Variants in PCDHGA3 observed in about 807,000 individuals in gnomAD.
PCDHGA3 encodes the protein protocadherin gamma-A3.
A neutral mutation model predicts 58.5 loss-of-function variants in PCDHGA3; 40 were observed. The ratio of observed to expected loss-of-function variants is 0.68; its 90% confidence interval spans 0.53 to 0.89. The LOEUF (loss-of-function observed/expected upper bound fraction) is 0.89. Among genes scored for constraint, PCDHGA3 ranks in the 40% least tolerant of loss-of-function variants. PCDHGA3 has a pLI of 0.00. For missense variants in PCDHGA3, 1,223 were observed against 1,195.9 expected, an observed-to-expected ratio of 1.02 and a Z score of -0.33; for synonymous variants, 530 against 525.7, an observed-to-expected ratio of 1.01 and a Z score of -0.11.
intron 1 of PCDHGA3, chr5:141,371,361 GAT>G: frequency 3.1e-6 from 5 of 1,613,976 alleles, no homozygotes; most frequent in Non-Finnish European, 4.2e-6. Flanking sequence ...GGAAGCAAAG[GAT>G]GGTGGACATC....
intron 1 of PCDHGA3, chr5:141,484,911 T>G (rs2154580253): frequency 9.3e-6 from 4 of 432,018 alleles, no homozygotes; most frequent in South Asian, 3.3e-5. Context: ...CTGCGACGCA[T>G]TAACCCTGCT....
At position 141,374,916 on chromosome 5, in the gene PCDHGA3, CTT is replaced by C. The variant is rs779055803; in HGVS notation, c.2424+28460_2424+28461del. ...GATGAAGGAGTCCACGGGGAAGTAA[CTT>C]ATTCCTTTGTGAAGATTACAGAAAA... On this transcript the variant is annotated intron_variant, in intron 1 of 3. Transcript: ENST00000253812. The C allele has an allele frequency of 1.2e-5, 20 of 1,613,924 alleles. No individual in the cohort carries two copies. The African/African-American group carries it at 2.4e-4, about 19-fold the overall frequency.
Position 141,487,306 on chromosome 5 carries a change from ACT to A in PCDHGA3, c.2425-7496_2425-7495del. 1 of 1,613,414 alleles carries A rather than the reference ACT, an allele frequency of 6.2e-7. No individual in the cohort carries two copies. The highest frequency in any genetic ancestry group is 8.5e-7 in the Non-Finnish European group (1 of 1,179,874). ...TCTCCTTTGGCTCATTCGTGGCACT[ACT>A]CTCTAAGTGTCTTCGTGGGGCAGCC... On this transcript the variant is annotated intron_variant, in intron 1 of 3. Coordinates refer to ENST00000253812, the MANE Select transcript of PCDHGA3 (RefSeq NM_018916.4). The surrounding 1 kb of genome is among the most constrained non-coding windows in gnomAD (Gnocchi z 5.0).
rs774140980 is a variant in PCDHGA3, at chr5:141,420,167, T to G, written c.2424+73710T>G. On this transcript the variant is annotated intron_variant, in intron 1 of 3. Transcript: ENST00000253812. ...GAATCCAGAATTTAATTTTTTCACA[T>G]CTGTTGATCATTGTCCAGCCACACA... 3 of 1,614,082 alleles carry G rather than the reference T, an allele frequency of 1.9e-6. No homozygotes were observed. The South Asian group carries it at 3.3e-5, about 18-fold the overall frequency.
At position 141,408,449 on chromosome 5, in the gene PCDHGA3, G is replaced by C. The variant is rs1561713163; in HGVS notation, c.2424+61992G>C. On this transcript the variant is annotated intron_variant, in intron 1 of 3. Coordinates refer to ENST00000253812, the MANE Select transcript of PCDHGA3 (RefSeq NM_018916.4). Reference sequence around the variant, plus strand: ...CTTCAGCGTAGACGCGGAGAGCGGGGACTTACTTGTGAAGAACCGAATAGA... The same window carrying C: ...CTTCAGCGTAGACGCGGAGAGCGGGCACTTACTTGTGAAGAACCGAATAGA... The C allele has an allele frequency of 1.9e-6, 3 of 1,613,966 alleles. No individual in the cohort carries two copies. In the Admixed American group the frequency reaches 5.0e-5, roughly 27 times the overall value.
At chr5:141,375,609 C>T (rs755429700) in intron 1 of PCDHGA3, 8 of 1,614,226 alleles carry the variant, frequency 5.0e-6, no homozygotes, top group South Asian at 3.3e-5. Context: ...TCCATCAACT[C>T]CGACACTGGG....
At chr5:141,427,870 C>T (rs773176633) in intron 1 of PCDHGA3, 86 of 1,558,630 alleles carry the variant, frequency 5.5e-5, no homozygotes, top group Non-Finnish European at 4.8e-5. Context: ...TTCGAGCTCA[C>T]GATGCAGGCC....
intron 1 of PCDHGA3, chr5:141,389,975 CTCAGT>C: frequency 6.2e-7 from 1 of 1,614,060 alleles, no homozygotes; most frequent in South Asian, 1.1e-5. Flanking sequence ...TGGCCTTGAT[CTCAGT>C]GCTCTTCCTC....
chr5:141,419,549 T>C, intron 1 of PCDHGA3: 1 of 1,612,006 alleles, frequency 6.2e-7, no homozygotes, highest in Non-Finnish European at 8.5e-7. Context: ...GCGGGTGCTG[T>C]ACCCTGCGCT....
rs1221134827 is a variant in PCDHGA3 at position 141,374,345 on chromosome 5, G to T, written c.2424+27888G>T. ...GCGAAACGGCAGCTTGGTCACCGCGGGTAGGATAGACCGCGAGGAGCTCTG... is the reference window on the plus strand; with the variant it reads ...GCGAAACGGCAGCTTGGTCACCGCGTGTAGGATAGACCGCGAGGAGCTCTG... On this transcript the variant is annotated intron_variant, in intron 1 of 3. Coordinates refer to ENST00000253812, the MANE Select transcript of PCDHGA3 (RefSeq NM_018916.4). The T allele has an allele frequency of 3.7e-6, 6 of 1,613,900 alleles. No homozygotes were observed. The African/African-American group carries it at 8.0e-5, about 22-fold the overall frequency.
intron 1 of PCDHGA3, among the ~76,000 whole-genome samples, chr5:141,425,485 A>G (rs2096878362): frequency 6.6e-6 from 1 of 152,274 alleles, no homozygotes; most frequent in Non-Finnish European, 1.5e-5. Context: ...ATGGCAACCT[A>G]CTAGGCTATA....
rs17097211 is a variant in PCDHGA3 at position 141,423,498 on chromosome 5, G to A, written c.2425-71309G>A. 9.4e-4 allele frequency: 1,510 copies of A among 1,613,948 alleles called. 9 individuals are homozygous for A. In the African/African-American group the frequency reaches 0.016, roughly 17 times the overall value. ...CTTTCCTGCAAACCTATTCCCACGA[G>A]GTCTCTCTCATTGCGGACTCGCAGA... On this transcript the variant is annotated intron_variant, in intron 1 of 3. Transcript: ENST00000253812.
rs1030000451 is a variant in PCDHGA3, at chr5:141,432,417, T to G, written c.2425-62390T>G. 2.5e-6 allele frequency: 4 copies of G among 1,614,124 alleles called. No individual in the cohort carries two copies. In the African/African-American group the frequency reaches 5.3e-5, roughly 22 times the overall value. On this transcript the variant is annotated intron_variant, in intron 1 of 3. Coordinates refer to ENST00000253812, the MANE Select transcript of PCDHGA3 (RefSeq NM_018916.4). This position sits in a 1 kb window ranked among gnomAD's most constrained non-coding sequence, Gnocchi z 6.0. The stretch of plus-strand genomic sequence containing the variant: ...AACGTGTCGTTGAGCCTGTTCGTGC[T>G]GGACCAGAACGACAATGCGCCCGAG...
chr5:141,417,963 A>C (rs1260025037), intron 1 of PCDHGA3: 1 of 1,613,258 alleles, frequency 6.2e-7, no homozygotes, highest in Non-Finnish European at 8.5e-7. Flanking sequence ...CCGATCCGCT[A>C]CTCGATTCCG....
At chr5:141,403,877 T>A in intron 1 of PCDHGA3, 1 of 1,613,796 alleles carries the variant, frequency 6.2e-7, no homozygotes, top group Non-Finnish European at 8.5e-7. Context: ...AAGTCTAGAT[T>A]ATGAAGAATG....
At chr5:141,394,140 G>T (rs2092926485) in intron 1 of PCDHGA3, 1 of 1,613,868 alleles carries the variant, frequency 6.2e-7, no homozygotes, top group Non-Finnish European at 8.5e-7. Flanking sequence ...TCTGCACGTG[G>T]CAGACATTAA....
chr5:141,447,389 C>T (rs1467715872), intron 1 of PCDHGA3, among the ~76,000 whole-genome samples: 1 of 152,150 alleles, frequency 6.6e-6, no homozygotes, highest in African/African-American at 2.4e-5. Context: ...CTGCCCACCT[C>T]GGCCTCCCAA....
At position 141,485,331 on chromosome 5, in the gene PCDHGA3, T is replaced by G; in HGVS notation, c.2425-9476T>G. 6.2e-7 allele frequency: 1 copy of G among 1,614,166 alleles called. No individual in the cohort carries two copies. Among genetic ancestry groups the G allele is most frequent in the Admixed American group, 1.7e-5 (1 of 60,022 alleles). Reference sequence around the variant, plus strand: ...GTAGGGAATGTCGCTCAAGATTTCCTGCTGGATACGGACAGTCTGTCAGCT... The same window carrying G: ...GTAGGGAATGTCGCTCAAGATTTCCGGCTGGATACGGACAGTCTGTCAGCT... On this transcript the variant is annotated intron_variant, in intron 1 of 3. Coordinates refer to ENST00000253812, the MANE Select transcript of PCDHGA3 (RefSeq NM_018916.4). The surrounding 1 kb of genome is among the most constrained non-coding windows in gnomAD (Gnocchi z 5.7).
At chr5:141,385,186 T>C in intron 1 of PCDHGA3, 1 of 1,614,218 alleles carries the variant, frequency 6.2e-7, no homozygotes. Context: ...CACCGCGGAC[T>C]CTCGGAAGAG....
Sources: allele counts gnomAD v4.1 joint callset (sites outside exome capture counted in the v4.1 genomes callset), GRCh38; gene constraint gnomAD v4.1.1; non-coding constraint Gnocchi (gnomAD v3.1); transcripts MANE v1.5; gene names NCBI Gene and HGNC (gene_info 2026-07-23, HGNC 2026-07-21).